The following ARSB variants were observed in gnomAD, a reference collection of about 807,000 sequenced individuals.
ARSB encodes arylsulfatase B.
ARSB carries 41 observed loss-of-function variants against 50.9 expected under a neutral mutation model. The observed-to-expected ratio is 0.81, with a 90% CI of 0.63 to 1.04. The LOEUF is 1.04. Among genes scored for constraint, ARSB ranks in the 50% least tolerant of loss-of-function variants. The pLI is 0.00. For synonymous variants in ARSB, 269 were observed against 284.8 expected (o/e 0.94, Z 0.56); for missense variants, 672 against 693.3 (o/e 0.97, Z 0.35).
chr5:78,937,032 T>G (rs1407546586), intron 4 of ARSB, among the ~76,000 whole-genome samples: 1 of 152,070 alleles, frequency 6.6e-6, no homozygotes, highest in Non-Finnish European at 1.5e-5. Context: ...CTTTTCATTT[T>G]GCTTCATCCT....
intron 4 of ARSB, among the ~76,000 whole-genome samples, chr5:78,931,631 A>T (rs2112391431): frequency 6.6e-6 from 1 of 151,950 alleles, no homozygotes; most frequent in South Asian, 2.1e-4. Context: ...AGAAAAGAAT[A>T]TGAAATTTTG....
chr5:78,960,327 A>T (rs1751926289), intron 3 of ARSB, among the ~76,000 whole-genome samples: 1 of 152,102 alleles, frequency 6.6e-6, no homozygotes, highest in South Asian at 2.1e-4. Flanking sequence ...AGAAAGTCTT[A>T]TTTTCATTTC....
intron 5 of ARSB, among the ~76,000 whole-genome samples, chr5:78,866,441 T>A (rs975721602): frequency 3.3e-5 from 5 of 152,092 alleles, no homozygotes; most frequent in African/African-American, 9.7e-5. Flanking sequence ...AAGATGAGAT[T>A]TGGGTGGGGA....
intron 6 of ARSB, among the ~76,000 whole-genome samples, chr5:78,837,420 GA>G (rs1369868477): frequency 6.6e-6 from 1 of 152,186 alleles, no homozygotes; most frequent in Non-Finnish European, 1.5e-5. Context: ...CTGGGGTAGA[GA>G]AAAGTTTAGG....
intron 3 of ARSB, among the ~76,000 whole-genome samples, chr5:78,956,707 C>T (rs1364236065): frequency 1.3e-5 from 2 of 152,058 alleles, no homozygotes; most frequent in Non-Finnish European, 2.9e-5. Context: ...CACATTCTAT[C>T]TCATTTAATG....
At chr5:78,806,202 AT>A (rs762931329) in intron 6 of ARSB, among the ~76,000 whole-genome samples, 7 of 152,242 alleles carry the variant, frequency 4.6e-5, no homozygotes, top group Non-Finnish European at 1.0e-4. Flanking sequence ...AGGGATGACA[AT>A]AATCAAACAA....
intron 1 of ARSB, among the ~76,000 whole-genome samples, chr5:78,977,229 C>T (rs1207500899): frequency 6.7e-6 from 1 of 149,728 alleles, no homozygotes; most frequent in Admixed American, 6.6e-5. Context: ...TCTCGGCTCA[C>T]TGCAATCTCC....
chr5:78,809,357 G>A (rs765867568), intron 6 of ARSB, among the ~76,000 whole-genome samples: 1 of 152,238 alleles, frequency 6.6e-6, no homozygotes, highest in Non-Finnish European at 1.5e-5. Context: ...TTGGGCAACG[G>A]GAACAGCATG....
intron 5 of ARSB, among the ~76,000 whole-genome samples, chr5:78,840,766 G>C (rs910939397): frequency 2.0e-5 from 3 of 150,034 alleles, no homozygotes; most frequent in Admixed American, 1.3e-4. Flanking sequence ...GACAGCAGCG[G>C]CAGCACTGCA....
chr5:78,828,215 AT>A (rs370260911), intron 6 of ARSB, among the ~76,000 whole-genome samples: 10 of 151,344 alleles, frequency 6.6e-5, no homozygotes, highest in African/African-American at 1.5e-4. Context: ...GTTTAGGGTG[AT>A]TTTTTTTGTG....
chr5:78,880,843 C>A (rs1247658279), intron 5 of ARSB, among the ~76,000 whole-genome samples: 2 of 152,114 alleles, frequency 1.3e-5, no homozygotes, highest in Non-Finnish European at 2.9e-5. Context: ...TTTCATCGGT[C>A]TTAAAGAGGC....
At chr5:78,861,457 C>T (rs1026997676) in intron 5 of ARSB, among the ~76,000 whole-genome samples, 25 of 152,108 alleles carry the variant, frequency 1.6e-4, no homozygotes, top group South Asian at 4.2e-4. Context: ...GCTGGTTCAA[C>T]ATATGCAAAT....
At chr5:78,961,679 G>A (rs1302974155) in intron 3 of ARSB, among the ~76,000 whole-genome samples, 2 of 152,146 alleles carry the variant, frequency 1.3e-5, no homozygotes, top group Non-Finnish European at 2.9e-5. Flanking sequence ...TTCTTCAGTA[G>A]GAATGAATTT....
intron 5 of ARSB, 146 bp from the exon 6 acceptor site, chr5:78,839,572 G>A (rs1263018857): frequency 1.1e-5 from 8 of 731,534 alleles, no homozygotes; most frequent in Admixed American, 2.1e-5. Context: ...CCACAATCAC[G>A]GCTGGTGCAT....
At chr5:78,859,662 G>T (rs1201688797) in intron 5 of ARSB, among the ~76,000 whole-genome samples, 1 of 152,094 alleles carries the variant, frequency 6.6e-6, no homozygotes, top group Non-Finnish European at 1.5e-5. Flanking sequence ...AGTAGAAGAA[G>T]ATGGATTTGC....
intron 1 of ARSB, among the ~76,000 whole-genome samples, chr5:78,971,777 G>T (rs74637630): frequency 6.6e-6 from 1 of 152,182 alleles, no homozygotes; most frequent in Admixed American, 6.5e-5. Context: ...TTTATCTTGA[G>T]GATGATAGTT....
intron 6 of ARSB, among the ~76,000 whole-genome samples, chr5:78,813,660 G>T (rs1301942046): frequency 6.6e-6 from 1 of 152,212 alleles, no homozygotes; most frequent in East Asian, 1.9e-4. Context: ...AGGAGGCTGA[G>T]GTGGGAGGAT....
intron 6 of ARSB, chr5:78,815,998 G>C (rs1035719766): frequency 1.3e-6 from 2 of 1,557,262 alleles, no homozygotes; most frequent in East Asian, 2.4e-5. Context: ...GGAGCCACCC[G>C]AGGCCTTGAG....
intron 6 of ARSB, among the ~76,000 whole-genome samples, chr5:78,787,317 A>G (rs1749118884): frequency 6.6e-6 from 1 of 152,198 alleles, no homozygotes; most frequent in African/African-American, 2.4e-5. Flanking sequence ...CTTAGAAATC[A>G]GCAAGCCTGA....
Sources: allele counts gnomAD v4.1 joint callset (sites outside exome capture counted in the v4.1 genomes callset), GRCh38; gene constraint gnomAD v4.1.1; transcripts MANE v1.5; gene names NCBI Gene and HGNC (gene_info 2026-07-23, HGNC 2026-07-21).